ADRA1A: variants seen among roughly 807,000 people sequenced by gnomAD.
ADRA1A encodes adrenoceptor alpha 1A.
A neutral mutation model predicts 29.6 loss-of-function variants in ADRA1A; 31 were observed. The observed-to-expected ratio is 1.05, with a 90% CI of 0.79 to 1.41. The LOEUF is 1.41. Among genes scored for constraint, ADRA1A ranks in the 40% most tolerant of loss-of-function variants. ADRA1A has a pLI of 0.00. For synonymous variants in ADRA1A, 311 were observed against 254.3 expected, an observed-to-expected ratio of 1.22 and a Z score of -2.12; for missense variants, 619 against 601.1, an observed-to-expected ratio of 1.03 and a Z score of -0.31.
intron 2 of ADRA1A, among the ~76,000 whole-genome samples, chr8:26,842,866 TACACAC>T (rs57750998): frequency 0.21 from 29,331 of 142,632 alleles, 2,971 homozygotes; most frequent in East Asian, 0.33. Flanking sequence ...TCTCTCTTTC[TACACAC>T]ACACACACAC....
chr8:26,780,939 C>G (rs1806938927), intron 2 of ADRA1A, among the ~76,000 whole-genome samples: 1 of 152,192 alleles, frequency 6.6e-6, no homozygotes, highest in South Asian at 2.1e-4. Flanking sequence ...AAGCTCAGGG[C>G]TCCCACTGAT....
rs1282943596 is a variant in ADRA1A, at chr8:26,866,035, G to A, written c.-686-380C>T. On this transcript the variant is annotated intron_variant, in intron 1 of 2. Coordinates refer to ENST00000380573, the MANE Select transcript of ADRA1A (RefSeq NM_000680.4). This position sits in a 1 kb window ranked among gnomAD's most constrained non-coding sequence, Gnocchi z 5.7. Reference sequence around the variant, plus strand: ...TGGCGAGTGTGTCGCACGGATCCTAGCCGGGGAATTCTGGAGGATGTACTC... The same window carrying A: ...TGGCGAGTGTGTCGCACGGATCCTAACCGGGGAATTCTGGAGGATGTACTC... Among the ~76,000 whole-genome samples, 1 of 152,206 alleles carries A rather than the reference G, an allele frequency of 6.6e-6. No homozygotes were observed. The highest frequency in any genetic ancestry group is 1.9e-4 in the East Asian group (1 of 5,178).
Position 26,864,341 on chromosome 8 carries a change from A to T in ADRA1A, c.629T>A (p.Val210Glu). The T allele has an allele frequency of 6.2e-7, 1 of 1,614,046 alleles. No homozygotes were observed. The highest frequency in any genetic ancestry group is 8.5e-7 in the Non-Finnish European group (1 of 1,180,004). ...GAGGCCCCGGCTCTCCCTCTTGGCC[A>T]CCACGTAGACGCGGCAGTACATGAC... Reference protein sequence around the residue: ...ILVMYCRVYVVAKRESRGLKS... With the variant: ...ILVMYCRVYVEAKRESRGLKS... Residue 210 changes from valine to glutamate, a missense_variant, in exon 2 of 3, where the codon GTG becomes GAG. Physicochemically the swap from Val to Glu is moderately radical, Grantham distance 121 (BLOSUM62 -2). Transcript: ENST00000380573. This position sits in a 1 kb window ranked among gnomAD's most constrained non-coding sequence, Gnocchi z 8.1.
rs1032356553 is a variant in ADRA1A at position 26,823,292 on chromosome 8, G to A, written c.883+40795C>T. On this transcript the variant is annotated intron_variant, in intron 2 of 2. Transcript: ENST00000380573. The surrounding 1 kb of genome is among the most constrained non-coding windows in gnomAD (Gnocchi z 4.2). Reference sequence around the variant, plus strand: ...GTGTCTGCCTTCCACACTGTCACGTGCTGGGGGCTGGGCATGGGCGGTGAC... The same window carrying A: ...GTGTCTGCCTTCCACACTGTCACGTACTGGGGGCTGGGCATGGGCGGTGAC... Among the ~76,000 whole-genome samples the A allele has an allele frequency of 6.6e-6, 1 of 152,136 alleles. No individual in the cohort carries two copies. Among genetic ancestry groups the A allele is most frequent in the Non-Finnish European group, 1.5e-5 (1 of 68,038 alleles).
In ADRA1A at chr8:26,860,383, A is replaced by G. The variant is rs571696533; in HGVS notation, c.883+3704T>C. ...CGAGTCTGTGTCTCTTCACACACACACTCTCTGGGACTCACAGTAGGTCCT... is the reference window on the plus strand; with the variant it reads ...CGAGTCTGTGTCTCTTCACACACACGCTCTCTGGGACTCACAGTAGGTCCT... On this transcript the variant is annotated intron_variant, in intron 2 of 2. Coordinates refer to ENST00000380573, the MANE Select transcript of ADRA1A (RefSeq NM_000680.4). The surrounding 1 kb of genome is among the most constrained non-coding windows in gnomAD (Gnocchi z 4.7). Among the ~76,000 whole-genome samples the G allele has an allele frequency of 4.6e-5, 7 of 151,844 alleles. No individual in the cohort carries two copies. The highest frequency in any genetic ancestry group is 7.2e-5 in the African/African-American group (3 of 41,400).
intron 2 of ADRA1A, among the ~76,000 whole-genome samples, chr8:26,760,350 G>T (rs12677286): frequency 6.6e-6 from 1 of 152,314 alleles, no homozygotes; most frequent in African/African-American, 2.4e-5. Flanking sequence ...TGAAGGCTTA[G>T]GCTTTAAGAG....
At position 26,796,873 on chromosome 8, in the gene ADRA1A, A is replaced by G. The variant is rs1385102069; in HGVS notation, c.884-26207T>C. Among the ~76,000 whole-genome samples, 1 of 152,136 alleles carries G rather than the reference A, an allele frequency of 6.6e-6. No individual in the cohort carries two copies. The highest frequency in any genetic ancestry group is 1.9e-4 in the East Asian group (1 of 5,190). On this transcript the variant is annotated intron_variant, in intron 2 of 2. Coordinates refer to ENST00000380573, the MANE Select transcript of ADRA1A (RefSeq NM_000680.4). The surrounding 1 kb of genome is among the most constrained non-coding windows in gnomAD (Gnocchi z 5.0). ...TGTTTTAAAGGCAGATATGTTCAGG[A>G]CATATTGGAGAGGTTTATTCCCTCA...
intron 2 of ADRA1A, among the ~76,000 whole-genome samples, chr8:26,837,505 G>T (rs1303948987): frequency 6.6e-6 from 1 of 152,094 alleles, no homozygotes; most frequent in East Asian, 1.9e-4. Flanking sequence ...ACAAAAATTA[G>T]CCAGGTATGG....
Position 26,772,567 on chromosome 8 carries a change from A to G in ADRA1A, c.884-1901T>C, listed in dbSNP as rs762483706. On this transcript the variant is annotated intron_variant, in intron 2 of 2. Transcript: ENST00000380573. ...GAGTATGTTGAATGGATGATTCCTAATGGCCCTGAACAATTTTTTTGTTGC... is the reference window on the plus strand; with the variant it reads ...GAGTATGTTGAATGGATGATTCCTAGTGGCCCTGAACAATTTTTTTGTTGC... 5.9e-4 allele frequency among the ~76,000 whole-genome samples: 90 copies of G among 152,276 alleles called. 1 individual carries two copies. The highest frequency in any genetic ancestry group is 1.3e-4 in the Admixed American group (2 of 15,290).
At chr8:26,850,652 C>A (rs746545331) in intron 2 of ADRA1A, among the ~76,000 whole-genome samples, 1 of 152,104 alleles carries the variant, frequency 6.6e-6, no homozygotes, top group African/African-American at 2.4e-5. Flanking sequence ...TGTGCCACCA[C>A]GCCTAATTTT....
At chr8:26,855,985 A>G (rs1813017960) in intron 2 of ADRA1A, among the ~76,000 whole-genome samples, 1 of 152,230 alleles carries the variant, frequency 6.6e-6, no homozygotes, top group Non-Finnish European at 1.5e-5. Context: ...TCCAAGTAAT[A>G]ACTCACTTGT....
intron 2 of ADRA1A, among the ~76,000 whole-genome samples, chr8:26,780,096 A>G (rs192214531): frequency 6.6e-6 from 1 of 152,084 alleles, no homozygotes; most frequent in Admixed American, 6.6e-5. Flanking sequence ...ATCAAGTCCA[A>G]GCTCCTCACT....
chr8:26,748,610 C>T (rs967242338), exon 3 of ADRA1A: 34 of 422,134 alleles, frequency 8.1e-5, no homozygotes, highest in Middle Eastern at 7.7e-4. Flanking sequence ...CTGGTGGCGT[C>T]GGCCTGGTGG....
At chr8:26,780,779 G>A (rs57058117) in intron 2 of ADRA1A, among the ~76,000 whole-genome samples, 1,993 of 152,280 alleles carry the variant, frequency 0.013, 41 homozygotes, top group African/African-American at 0.046. Flanking sequence ...CAGATCAGCA[G>A]TGGCATTAGA....
At position 26,823,767 on chromosome 8, in the gene ADRA1A, C is replaced by A. The variant is rs1003528936; in HGVS notation, c.883+40320G>T. On this transcript the variant is annotated intron_variant, in intron 2 of 2. Transcript: ENST00000380573. The surrounding 1 kb of genome is among the most constrained non-coding windows in gnomAD (Gnocchi z 4.2). ...TATTCTTGCAACTTCAAGGGCACAA[C>A]CACTCTCTGATGTGTGTTATAATTA... is the stretch of plus-strand genomic sequence containing the variant. Among the ~76,000 whole-genome samples the A allele has an allele frequency of 1.3e-5, 2 of 152,172 alleles. No individual in the cohort carries two copies. The highest frequency in any genetic ancestry group is 2.9e-5 in the Non-Finnish European group (2 of 68,034).
At chr8:26,811,628 G>A (rs751699306) in intron 2 of ADRA1A, among the ~76,000 whole-genome samples, 1 of 152,174 alleles carries the variant, frequency 6.6e-6, no homozygotes, top group Admixed American at 6.5e-5. Context: ...GAGATTTTGC[G>A]ATCACTCTTA....
intron 2 of ADRA1A, among the ~76,000 whole-genome samples, chr8:26,793,431 T>G (rs1281036503): frequency 6.6e-6 from 1 of 151,918 alleles, no homozygotes; most frequent in Non-Finnish European, 1.5e-5. Flanking sequence ...AATAGCTTAA[T>G]TTGGGCATTA....
In ADRA1A at chr8:26,831,969, C is replaced by T. The variant is rs1005185052; in HGVS notation, c.883+32118G>A. 6.6e-6 allele frequency among the ~76,000 whole-genome samples: 1 copy of T among 152,182 alleles called. No individual in the cohort carries two copies. Among genetic ancestry groups the T allele is most frequent in the South Asian group, 2.1e-4 (1 of 4,824 alleles). On this transcript the variant is annotated intron_variant, in intron 2 of 2. Transcript: ENST00000380573. This position sits in a 1 kb window ranked among gnomAD's most constrained non-coding sequence, Gnocchi z 5.2. ...TTGTAGGCTGGAGTGGGGACAGAGG[C>T]CTGCTGGTCTCACCCCACATTTCTC...
downstream of ADRA1A, among the ~76,000 whole-genome samples, chr8:26,752,948 G>C (rs765610071): frequency 4.9e-4 from 74 of 152,318 alleles, 1 homozygote; most frequent in African/African-American, 1.6e-3. Context: ...AAGAGGAAAT[G>C]AGGATTTGGA....
Sources: allele counts gnomAD v4.1 joint callset (sites outside exome capture counted in the v4.1 genomes callset), GRCh38; gene constraint gnomAD v4.1.1; non-coding constraint Gnocchi (gnomAD v3.1); transcripts MANE v1.5; gene names NCBI Gene and HGNC (gene_info 2026-07-23, HGNC 2026-07-21).